The following TPM3 variants were observed in gnomAD, a reference collection of about 807,000 sequenced individuals.
TPM3 encodes tropomyosin 3.
TPM3 carries 16 observed loss-of-function variants against 43.1 expected under a neutral mutation model. The observed-to-expected ratio is 0.37, with a 90% CI of 0.25 to 0.56. The LOEUF (loss-of-function observed/expected upper bound fraction) is 0.56. Ranked by LOEUF, TPM3 falls within the 20% of genes least tolerant of loss-of-function variation. The probability of loss-of-function intolerance (pLI) is 0.77; values close to 1 mark genes in which losing one functional copy is unlikely to be tolerated. For synonymous variants in TPM3, 101 were observed against 116.9 expected (o/e 0.86, Z 0.88); for missense variants, 176 against 337.2 (o/e 0.52, Z 3.74).
intron 9 of TPM3, among the ~76,000 whole-genome samples, chr1:154,168,579 T>G (rs1203911771): frequency 6.6e-6 from 1 of 152,204 alleles, no homozygotes; most frequent in Non-Finnish European, 1.5e-5. Flanking sequence ...TGGAGTGCAG[T>G]GGCATTATCT....
intron 2 of TPM3, among the ~76,000 whole-genome samples, chr1:154,190,889 TC>T (rs1663651551): frequency 6.6e-6 from 1 of 151,896 alleles, no homozygotes; most frequent in South Asian, 2.1e-4. Context: ...GAACTTAGAG[TC>T]CCCTCTCTTT....
At chr1:154,171,556 A>G in intron 5 of TPM3, 68 bp from the exon 6 acceptor site, 4 of 1,544,282 alleles carry the variant, frequency 2.6e-6, no homozygotes, top group Non-Finnish European at 3.6e-6. Context: ...AGGGAGAGAG[A>G]CACATAGACG....
chr1:154,177,257 AAAAG>A (rs1261732897), intron 2 of TPM3, among the ~76,000 whole-genome samples: 1 of 152,172 alleles, frequency 6.6e-6, no homozygotes. Context: ...AGCTTTACAA[AAAAG>A]AAAGAACATT....
chr1:154,179,733 G>GC (rs1241923825), intron 2 of TPM3, among the ~76,000 whole-genome samples: 1 of 152,014 alleles, frequency 6.6e-6, no homozygotes, highest in African/African-American at 2.4e-5. Context: ...ACAGGCATGC[G>GC]CCACCATGCC....
At position 154,165,128 on chromosome 1, in the gene TPM3, TC is replaced by T. The variant is rs1660796815; in HGVS notation, c.*2808del. On this transcript the variant is annotated 3_prime_UTR_variant, in exon 10 of 10. Coordinates refer to ENST00000651641, the MANE Select transcript of TPM3 (RefSeq NM_152263.4). ...CAGGTGCAGTGGCTCACGCCTGTAA[TC>T]CCAACACTTTGGGAGGCAGAGGCGG... is the stretch of plus-strand genomic sequence containing the variant. Among the ~76,000 whole-genome samples, 1 of 152,214 alleles carries T rather than the reference TC, an allele frequency of 6.6e-6. No individual in the cohort carries two copies. Among genetic ancestry groups the T allele is most frequent in the Admixed American group, 6.5e-5 (1 of 15,286 alleles).
At chr1:154,181,412 A>G (rs1015358184) in intron 2 of TPM3, among the ~76,000 whole-genome samples, 1 of 152,136 alleles carries the variant, frequency 6.6e-6, no homozygotes, top group Non-Finnish European at 1.5e-5. Context: ...AAAACTTACC[A>G]AGGGAAAGAA....
Position 154,191,892 on chromosome 1 carries a change from C to T in TPM3, c.117+10G>A. 6.2e-7 allele frequency: 1 copy of T among 1,611,516 alleles called. No individual in the cohort carries two copies. ...ACTAGCAGATGAGAGAGATCAATGC[C>T]AGTGCCTACCTGTTTACTTCTTTCT... is the stretch of plus-strand genomic sequence containing the variant. On this transcript the variant is annotated intron_variant, in intron 1 of 9. Coordinates refer to ENST00000651641, the MANE Select transcript of TPM3 (RefSeq NM_152263.4).
At chr1:154,155,392 A>G (rs1659693951), downstream of TPM3, 2 of 314,022 alleles carry the variant, frequency 6.4e-6, no homozygotes, top group Non-Finnish European at 1.2e-5. Context: ...TCCGCCCGAC[A>G]AAAAAACTTT....
rs1041047870 is a variant in TPM3, at chr1:154,163,717, T to G, written c.*4220A>C. Among the ~76,000 whole-genome samples, 1 of 152,080 alleles carries G rather than the reference T, an allele frequency of 6.6e-6. No homozygotes were observed. The highest frequency in any genetic ancestry group is 1.5e-5 in the Non-Finnish European group (1 of 68,012). On this transcript the variant is annotated 3_prime_UTR_variant, in exon 10 of 10. Transcript: ENST00000651641. ...GGCACAATCTCAGCTCACTACAAGCTCCGCCTCCCGGGTTCACGCCATTCT... is the reference window on the plus strand; with the variant it reads ...GGCACAATCTCAGCTCACTACAAGCGCCGCCTCCCGGGTTCACGCCATTCT...
chr1:154,169,250 C>T, intron 9 of TPM3, 55 bp downstream of exon 9: 1 of 1,541,870 alleles, frequency 6.5e-7, no homozygotes, highest in Non-Finnish European at 9.0e-7. Flanking sequence ...ATAGCTTGTA[C>T]CCCCATCCAC....
intron 2 of TPM3, among the ~76,000 whole-genome samples, chr1:154,188,403 C>T (rs1055735739): frequency 2.6e-5 from 4 of 151,562 alleles, no homozygotes; most frequent in Admixed American, 6.6e-5. Flanking sequence ...TGGCCGGGCG[C>T]GGTGGCTCAC....
At chr1:154,169,521 C>G in intron 8 of TPM3, 138 bp from the exon 9 acceptor site, 1 of 814,612 alleles carries the variant, frequency 1.2e-6, no homozygotes, top group Non-Finnish European at 2.1e-6. Context: ...AATATCTACT[C>G]TGGCAACCAT....
Position 154,191,127 on chromosome 1 carries a change from A to G in TPM3, c.243+59T>C, listed in dbSNP as rs1258602269. On this transcript the variant is annotated intron_variant, in intron 2 of 9. Coordinates refer to ENST00000651641, the MANE Select transcript of TPM3 (RefSeq NM_152263.4). The stretch of plus-strand genomic sequence containing the variant: ...AAGTGTGTTTGGAATTTCGTCATAC[A>G]TTAACATAAAGATCTATATGTGTAG... 3.7e-6 allele frequency: 6 copies of G among 1,612,876 alleles called. No homozygotes were observed. In the Admixed American group the frequency reaches 8.3e-5, roughly 22 times the overall value.
intron 2 of TPM3, chr1:154,187,410 A>G: frequency 1.2e-5 from 12 of 984,708 alleles, no homozygotes; most frequent in African/African-American, 1.8e-5. Flanking sequence ...GTTCTTATGC[A>G]TATCTCTGAG....
chr1:154,171,143 T>C, intron 6 of TPM3: 1 of 588,628 alleles, frequency 1.7e-6, no homozygotes, highest in Non-Finnish European at 3.0e-6. Flanking sequence ...AGAAAGCCTG[T>C]TAGGGCCCTT....
chr1:154,182,620 G>C (rs1663085282), intron 2 of TPM3, among the ~76,000 whole-genome samples: 1 of 152,020 alleles, frequency 6.6e-6, no homozygotes, highest in Admixed American at 6.5e-5. Context: ...CCTCAAGCCA[G>C]AGCAAAGTTC....
At chr1:154,172,850 A>G in intron 5 of TPM3, 58 bp downstream of exon 5, 1 of 1,601,308 alleles carries the variant, frequency 6.2e-7, no homozygotes. Flanking sequence ...ATTAGTGCCC[A>G]AGCCAAAGGG....
intron 6 of TPM3, 96 bp from the exon 7 acceptor site, chr1:154,170,807 C>T: frequency 1.1e-6 from 1 of 878,060 alleles, no homozygotes; most frequent in Non-Finnish European, 1.9e-6. Flanking sequence ...TATCCTCTTG[C>T]ACTAAATGTG....
At chr1:154,171,612 A>C in intron 5 of TPM3, 124 bp from the exon 6 acceptor site, 1 of 1,063,316 alleles carries the variant, frequency 9.4e-7, no homozygotes, top group Non-Finnish European at 1.4e-6. Context: ...ATACTGGGGA[A>C]GAGATGTTCC....
Sources: allele counts gnomAD v4.1 joint callset (sites outside exome capture counted in the v4.1 genomes callset), GRCh38; gene constraint gnomAD v4.1.1; transcripts MANE v1.5; gene names NCBI Gene and HGNC (gene_info 2026-07-23, HGNC 2026-07-21).